Variants in MRGPRX3 observed in about 807,000 individuals in gnomAD.
MRGPRX3 encodes MAS related GPR family member X3.
In MRGPRX3, 14 loss-of-function variants were observed where a neutral mutation model predicts 16.5. The observed-to-expected ratio is 0.85, with a 90% CI of 0.56 to 1.33. MRGPRX3 has a LOEUF of 1.33. Ranked by LOEUF, MRGPRX3 falls within the 40% of genes most tolerant of loss-of-function variation. The pLI is 0.00. For synonymous variants in MRGPRX3, 199 were observed against 180.1 expected (o/e 1.10, Z -0.84); for missense variants, 449 against 413.0 (o/e 1.09, Z -0.76).
upstream of MRGPRX3, among the ~76,000 whole-genome samples, chr11:18,127,788 G>A (rs146003677): frequency 2.6e-4 from 40 of 152,260 alleles, no homozygotes; most frequent in East Asian, 3.1e-3. Context: ...GTCATTCTCC[G>A]TCCAGCTTTG....
At chr11:18,132,361 T>C (rs1010838776), upstream of MRGPRX3, among the ~76,000 whole-genome samples, 1 of 152,180 alleles carries the variant, frequency 6.6e-6, no homozygotes, top group Non-Finnish European at 1.5e-5. Flanking sequence ...TCACATTGCT[T>C]AATGTGATGC....
chr11:18,135,251 G>A (rs1257661745), intron 1 of MRGPRX3, among the ~76,000 whole-genome samples: 1 of 152,190 alleles, frequency 6.6e-6, no homozygotes, highest in Non-Finnish European at 1.5e-5. Flanking sequence ...ATACCACAGT[G>A]AAAAAGACAG....
At chr11:18,126,599 G>A (rs562354034) in intron 1 of MRGPRX3, among the ~76,000 whole-genome samples, 10 of 152,018 alleles carry the variant, frequency 6.6e-5, no homozygotes, top group Admixed American at 2.0e-4. Flanking sequence ...CCATTAACTC[G>A]TCATTTAGCA....
At position 18,137,634 on chromosome 11, in the gene MRGPRX3, C is replaced by A; in HGVS notation, c.432C>A (p.Val144=). The change falls in exon 2 of 2, where the codon GTC becomes GTA. Residue 144 remains valine, a synonymous_variant. Transcript: ENST00000621697. ...RPRYLSSVMC[V]LLWALSLLRS... The stretch of plus-strand genomic sequence containing the variant: ...GATACCTGTCATCAGTCATGTGTGT[C>A]CTGCTCTGGGCCCTGTCCCTGCTGC... 6.2e-7 allele frequency: 1 copy of A among 1,614,150 alleles called. No individual in the cohort carries two copies. Among genetic ancestry groups the A allele is most frequent in the Non-Finnish European group, 8.5e-7 (1 of 1,180,020 alleles).
chr11:18,137,421 C>G lies in MRGPRX3; in HGVS notation c.219C>G (p.Phe73Leu), dbSNP rs755378505. The G allele has an allele frequency of 6.2e-7, 1 of 1,614,198 alleles. No homozygotes were observed. Among genetic ancestry groups the G allele is most frequent in the South Asian group, 1.1e-5 (1 of 91,076 alleles). ...TCCTCAACCTGGTCGCGGCCGACTT[C>G]CTCTTCCTTAGCGGCCACATTATAT... is the stretch of plus-strand genomic sequence containing the variant. ...IYILNLVAADFLFLSGHIICS... is the reference protein window; with the variant it reads ...IYILNLVAADLLFLSGHIICS... The change falls in exon 2 of 2, where the codon TTC (phenylalanine) becomes TTG (leucine). Residue 73 changes from phenylalanine to leucine, a missense_variant. Coordinates refer to ENST00000621697, the MANE Select transcript of MRGPRX3 (RefSeq NM_001370464.1).
At chr11:18,126,013 C>A (rs1281566071) in intron 1 of MRGPRX3, among the ~76,000 whole-genome samples, 1 of 152,114 alleles carries the variant, frequency 6.6e-6, no homozygotes, top group East Asian at 1.9e-4. Flanking sequence ...ATTGCAACCC[C>A]TGCTTTTTTT....
At chr11:18,124,486 A>T (rs577124005) in intron 1 of MRGPRX3, among the ~76,000 whole-genome samples, 2 of 152,306 alleles carry the variant, frequency 1.3e-5, no homozygotes, top group East Asian at 1.9e-4. Context: ...ATGCTGGATT[A>T]TGTTTATTGA....
upstream of MRGPRX3, among the ~76,000 whole-genome samples, chr11:18,129,400 T>C (rs1021431907): frequency 1.3e-5 from 2 of 152,222 alleles, no homozygotes; most frequent in Non-Finnish European, 2.9e-5. Flanking sequence ...TCAAGACTAT[T>C]GTGATCACCT....
intron 1 of MRGPRX3, among the ~76,000 whole-genome samples, chr11:18,133,857 A>G (rs1039887088): frequency 2.0e-5 from 3 of 152,258 alleles, no homozygotes; most frequent in African/African-American, 7.2e-5. Context: ...GCTGTCTTCC[A>G]GTCTCCTGCT....
intron 1 of MRGPRX3, among the ~76,000 whole-genome samples, chr11:18,126,370 C>G (rs184208849): frequency 6.6e-6 from 1 of 152,032 alleles, no homozygotes; most frequent in Non-Finnish European, 1.5e-5. Flanking sequence ...TTCAGGAGCT[C>G]TTTTAGGGCA....
rs775579320 is a variant in MRGPRX3, at chr11:18,138,010, A to G, written c.808A>G (p.Ile270Val). The change falls in exon 2 of 2, where the codon ATC becomes GTC. Residue 270 changes from isoleucine (I) to valine (V), a missense_variant. By Grantham distance (29) the Ile-to-Val change is conservative (BLOSUM62 3). Coordinates refer to ENST00000621697, the MANE Select transcript of MRGPRX3 (RefSeq NM_001370464.1). ...CGCTCTTAACAGCAGTGCCAACCCC[A>G]TCATTTACTTCTTCGTGGGCTCCTT... The part of the protein sequence containing the change: ...LSALNSSANP[I>V]IYFFVGSFRQ... 6.2e-7 allele frequency: 1 copy of G among 1,614,058 alleles called. No individual in the cohort carries two copies. Among genetic ancestry groups the G allele is most frequent in the Non-Finnish European group, 8.5e-7 (1 of 1,180,002 alleles).
Position 18,138,132 on chromosome 11 carries a change from G to T in MRGPRX3, c.930G>T (p.Gln310His). Residue 310 changes from glutamine to histidine, a missense_variant, in exon 2 of 2, where the codon CAG (glutamine) becomes CAT (histidine). By Grantham distance (24) the Gln-to-His change is conservative. Coordinates refer to ENST00000621697, the MANE Select transcript of MRGPRX3 (RefSeq NM_001370464.1). ...ATGAAGGTGGAGGGTGGCTTCCTCA[G>T]GAAACCCTGGAGCTGTCGGGAAGCA... The part of the protein sequence containing the change: ...EVDEGGGWLP[Q>H]ETLELSGSRL... The T allele has an allele frequency of 6.2e-7, 1 of 1,613,812 alleles. No homozygotes were observed. The highest frequency in any genetic ancestry group is 8.5e-7 in the Non-Finnish European group (1 of 1,179,872).
rs567465306 is a variant in MRGPRX3, at chr11:18,121,709, T to A, written c.-152+545T>A. ...TGATCTGTGACCTTACCCCCAACCCTGTGCTCTCTGAAACATGTGCTGTGT... is the reference window on the plus strand; with the variant it reads ...TGATCTGTGACCTTACCCCCAACCCAGTGCTCTCTGAAACATGTGCTGTGT... On this transcript the variant is annotated intron_variant, in intron 1 of 2. Transcript: ENST00000396275. Among the ~76,000 whole-genome samples the A allele has an allele frequency of 3.5e-3, 533 of 152,340 alleles. 3 individuals are homozygous for A. Among genetic ancestry groups the A allele is most frequent in the African/African-American group, 0.012 (509 of 41,582 alleles).
At chr11:18,128,483 A>G (rs1233133413), upstream of MRGPRX3, among the ~76,000 whole-genome samples, 1 of 152,024 alleles carries the variant, frequency 6.6e-6, no homozygotes, top group African/African-American at 2.4e-5. Context: ...AATGGCGGGC[A>G]CCCCTCCCCT....
Position 18,137,916 on chromosome 11 carries a change from G to C in MRGPRX3, c.714G>C (p.Leu238=). ...CGLPFGIQWA[L]FSRIHLDWKV... ...TGCCCTTTGGCATTCAGTGGGCCCT[G>C]TTTTCCAGGATCCACCTGGATTGGA... Residue 238 remains leucine (L), a synonymous_variant, in exon 2 of 2, where the codon CTG becomes CTC. Coordinates refer to ENST00000621697, the MANE Select transcript of MRGPRX3 (RefSeq NM_001370464.1). 6.2e-7 allele frequency: 1 copy of C among 1,614,142 alleles called. No homozygotes were observed. Among genetic ancestry groups the C allele is most frequent in the Non-Finnish European group, 8.5e-7 (1 of 1,180,030 alleles).
upstream of MRGPRX3, among the ~76,000 whole-genome samples, chr11:18,128,032 T>C (rs1272483185): frequency 3.3e-5 from 5 of 152,308 alleles, no homozygotes; most frequent in East Asian, 9.6e-4. Flanking sequence ...TTGCTGGAGG[T>C]CCACTCCAGA....
upstream of MRGPRX3, among the ~76,000 whole-genome samples, chr11:18,131,037 G>A (rs1848956314): frequency 6.6e-6 from 1 of 152,128 alleles, no homozygotes; most frequent in Non-Finnish European, 1.5e-5. Flanking sequence ...ATTGATACAA[G>A]ATGGATCAAA....
intron 1 of MRGPRX3, among the ~76,000 whole-genome samples, chr11:18,123,628 T>G (rs1409449473): frequency 2.0e-5 from 3 of 152,218 alleles, no homozygotes; most frequent in South Asian, 2.1e-4. Flanking sequence ...GTGTGATGCC[T>G]CCAGCTTTGT....
At chr11:18,129,827 C>T (rs574541124), upstream of MRGPRX3, among the ~76,000 whole-genome samples, 1 of 152,268 alleles carries the variant, frequency 6.6e-6, no homozygotes, top group African/African-American at 2.4e-5. Context: ...AGAAGATAAT[C>T]CACCATTGTC....
Sources: gnomAD v4.1 joint callset for allele counts (sites outside exome capture counted in the v4.1 genomes callset) on GRCh38, gnomAD v4.1.1 for gene constraint, MANE v1.5 for transcripts, NCBI Gene and HGNC (gene_info 2026-07-23, HGNC 2026-07-21) for gene names.